The following LARP1B variants were observed in gnomAD, a reference collection of about 807,000 sequenced individuals.
The protein encoded by LARP1B is la-related protein 1B.
In LARP1B, 76 loss-of-function variants were observed where a neutral mutation model predicts 114.2. The observed-to-expected ratio is 0.67, with a 90% CI of 0.55 to 0.81. The LOEUF (loss-of-function observed/expected upper bound fraction) is 0.81. Ranked by LOEUF, LARP1B falls within the 30% of genes least tolerant of loss-of-function variation. The probability of loss-of-function intolerance (pLI) is 0.00; values close to 1 mark genes in which losing one functional copy is unlikely to be tolerated. For synonymous variants in LARP1B, 345 were observed against 348.0 expected (o/e 0.99, Z 0.10); for missense variants, 1,014 against 1,075.8 (o/e 0.94, Z 0.80).
In LARP1B at chr4:128,091,245, G is replaced by A. The variant is rs971417913; in HGVS notation, c.502+101G>A. 1.7e-5 allele frequency: 26 copies of A among 1,525,268 alleles called. No homozygotes were observed. In the Middle Eastern group the frequency reaches 6.9e-4, roughly 40 times the overall value. The allele number at this position is 1,525,268 out of a possible 1,614,324, so 94.5% of individuals were successfully genotyped here. ...AACTAATTTTCTTTGTCTGATAATAGATGGTTTTATGTTTGTTAACCTTTG... is the reference window on the plus strand; with the variant it reads ...AACTAATTTTCTTTGTCTGATAATAAATGGTTTTATGTTTGTTAACCTTTG... On this transcript the variant is annotated intron_variant, in intron 6 of 19. Coordinates refer to ENST00000326639, the MANE Select transcript of LARP1B (RefSeq NM_018078.4).
At chr4:128,152,064 T>C (rs544661642) in intron 11 of LARP1B, among the ~76,000 whole-genome samples, 16 of 152,344 alleles carry the variant, frequency 1.1e-4, no homozygotes, top group Middle Eastern at 6.8e-3. Context: ...TCACTGTAAA[T>C]GTACCTTTTC....
At chr4:128,152,583 AGAT>A (rs1440039232) in intron 11 of LARP1B, among the ~76,000 whole-genome samples, 1 of 150,750 alleles carries the variant, frequency 6.6e-6, no homozygotes, top group African/African-American at 2.4e-5. Context: ...TTTTTTATTT[AGAT>A]GGTGATTTTT....
intron 11 of LARP1B, among the ~76,000 whole-genome samples, chr4:128,141,590 C>G (rs1048636312): frequency 8.5e-5 from 13 of 152,184 alleles, no homozygotes; most frequent in Admixed American, 7.9e-4. Flanking sequence ...TTGTCCAGTA[C>G]TACTTATAGT....
At chr4:128,173,523 T>A (rs1222449873) in intron 12 of LARP1B, among the ~76,000 whole-genome samples, 1 of 152,226 alleles carries the variant, frequency 6.6e-6, no homozygotes, top group Non-Finnish European at 1.5e-5. Context: ...ACAAGGCTCA[T>A]ATGGTTCAGG....
chr4:128,073,373 G>A (rs1484579621), intron 1 of LARP1B, among the ~76,000 whole-genome samples: 11 of 117,048 alleles, frequency 9.4e-5, no homozygotes, highest in South Asian at 6.1e-4. Flanking sequence ...CCAAGATTGC[G>A]CCACTGCACT....
intron 11 of LARP1B, among the ~76,000 whole-genome samples, chr4:128,148,292 G>A (rs148409079): frequency 0.013 from 2,011 of 152,052 alleles, 49 homozygotes; most frequent in African/African-American, 0.046. Flanking sequence ...CTAGCTGGGC[G>A]TGGTGGTGGG....
At chr4:128,092,131 C>A (rs888676544) in intron 7 of LARP1B, among the ~76,000 whole-genome samples, 1 of 151,998 alleles carries the variant, frequency 6.6e-6, no homozygotes, top group Non-Finnish European at 1.5e-5. Flanking sequence ...TGTAAAGCTT[C>A]TCTATATATA....
chr4:128,137,799 T>TCG (rs1726116300), intron 11 of LARP1B, among the ~76,000 whole-genome samples: 1 of 147,040 alleles, frequency 6.8e-6, no homozygotes, highest in Non-Finnish European at 1.5e-5. Flanking sequence ...ATATTTTTTT[T>TCG]TTAGGGGGGT....
chr4:128,060,888 G>A (rs1759916346), upstream of LARP1B, among the ~76,000 whole-genome samples: 1 of 152,174 alleles, frequency 6.6e-6, no homozygotes, highest in Non-Finnish European at 1.5e-5. Context: ...GGTCGACACC[G>A]CGTCCCCTCC....
chr4:128,085,184 T>C (rs1772934280), intron 5 of LARP1B, among the ~76,000 whole-genome samples: 1 of 152,126 alleles, frequency 6.6e-6, no homozygotes. Flanking sequence ...TAACCTTGAT[T>C]ACTTGGTTGA....
At chr4:128,061,695 T>A in intron 1 of LARP1B, 2 of 984,774 alleles carry the variant, frequency 2.0e-6, no homozygotes, top group Non-Finnish European at 2.4e-6. Context: ...AGAGGGACGA[T>A]GTCTACTCGC....
Position 128,169,969 on chromosome 4 carries a change from T to A in LARP1B, c.1649-6903T>A, listed in dbSNP as rs548135907. Among the ~76,000 whole-genome samples the A allele has an allele frequency of 2.0e-5, 3 of 152,278 alleles. No homozygotes were observed. The East Asian group carries it at 5.8e-4, about 29-fold the overall frequency. On this transcript the variant is annotated intron_variant, in intron 12 of 19. Transcript: ENST00000326639. ...TATGTATTTTTATTTAAGCACTGAT[T>A]TAGCTGCATTCCACAAATTTGATAT...
chr4:128,145,497 A>G (rs1304536250), intron 11 of LARP1B, among the ~76,000 whole-genome samples: 2 of 152,160 alleles, frequency 1.3e-5, no homozygotes, highest in Admixed American at 1.3e-4. Flanking sequence ...TATCCTGAAC[A>G]TATGTGCTCT....
chr4:128,210,760 T>C lies in LARP1B; in HGVS notation c.*707T>C, dbSNP rs1169299289. 2 of 985,136 alleles carry C rather than the reference T, an allele frequency of 2.0e-6. No homozygotes were observed. Among genetic ancestry groups the C allele is most frequent in the African/African-American group, 1.7e-5 (1 of 57,246 alleles). The allele number at this position is 985,136 out of a possible 1,614,324, so 61.0% of individuals were successfully genotyped here. On this transcript the variant is annotated 3_prime_UTR_variant, in exon 20 of 20. Transcript: ENST00000326639. ...CACAGTTGTTGTATTGGTGTGGAGTTTTCTGAATTGGCTATAAGCTGATTA... is the reference window on the plus strand; with the variant it reads ...CACAGTTGTTGTATTGGTGTGGAGTCTTCTGAATTGGCTATAAGCTGATTA...
intron 10 of LARP1B, among the ~76,000 whole-genome samples, chr4:128,116,685 A>G (rs540927333): frequency 6.6e-6 from 1 of 152,326 alleles, no homozygotes; most frequent in Admixed American, 6.5e-5. Flanking sequence ...CTGGGGGCCT[A>G]GATATTTCAG....
At chr4:128,061,224 C>G (rs536376576), upstream of LARP1B, 9 of 152,200 alleles carry the variant, frequency 5.9e-5, no homozygotes, top group South Asian at 2.1e-4. Context: ...GAGAAGGACC[C>G]GGTGAGTAGC....
intron 5 of LARP1B, among the ~76,000 whole-genome samples, chr4:128,084,421 G>A (rs1772420600): frequency 6.6e-6 from 1 of 152,258 alleles, no homozygotes; most frequent in African/African-American, 2.4e-5. Context: ...TTAGGAGCTG[G>A]AGACCAGCCC....
At chr4:128,061,675 C>T (rs955154221) in intron 1 of LARP1B, 4 of 983,730 alleles carry the variant, frequency 4.1e-6, no homozygotes, top group East Asian at 1.1e-4. Flanking sequence ...CCGGCTGGGG[C>T]GGCTGGGGCA....
rs972996522 is a variant in LARP1B at position 128,091,586 on chromosome 4, T to C, written c.668+74T>C. On this transcript the variant is annotated intron_variant, in intron 7 of 19. Transcript: ENST00000326639. ...ATATGAACTTTAATGTCATTGATAATGAATATGCTATAATTTTTTTTTTTT... is the reference window on the plus strand; with the variant it reads ...ATATGAACTTTAATGTCATTGATAACGAATATGCTATAATTTTTTTTTTTT... The C allele has an allele frequency of 4.1e-6, 5 of 1,221,780 alleles. No homozygotes were observed. The African/African-American group carries it at 7.7e-5, about 19-fold the overall frequency. The allele number at this position is 1,221,780 out of a possible 1,614,324, so 75.7% of individuals were successfully genotyped here.
Sources: allele counts gnomAD v4.1 joint callset (sites outside exome capture counted in the v4.1 genomes callset), GRCh38; gene constraint gnomAD v4.1.1; transcripts MANE v1.5; gene names NCBI Gene and HGNC (gene_info 2026-07-23, HGNC 2026-07-21).